Variants in PIP4K2A observed in about 807,000 individuals in gnomAD.
PIP4K2A encodes phosphatidylinositol 5-phosphate 4-kinase type-2 alpha.
A neutral mutation model predicts 42.9 loss-of-function variants in PIP4K2A; 14 were observed. That is an observed-to-expected ratio of 0.33 (90% CI 0.22 to 0.51). The LOEUF is 0.51. Among genes scored for constraint, PIP4K2A ranks in the 20% least tolerant of loss-of-function variants. The pLI is 0.97. For synonymous variants in PIP4K2A, 192 were observed against 192.2 expected, an observed-to-expected ratio of 1.00 and a Z score of 0.01; for missense variants, 434 against 519.8, an observed-to-expected ratio of 0.83 and a Z score of 1.61.
intron 6 of PIP4K2A, among the ~76,000 whole-genome samples, chr10:22,565,838 G>GCCC (rs35803145): frequency 1.1e-4 from 16 of 151,644 alleles, no homozygotes; most frequent in African/African-American, 3.9e-4. Context: ...CTTATAAACA[G>GCCC]CCCCCCCAGG....
intron 1 of PIP4K2A, among the ~76,000 whole-genome samples, chr10:22,676,388 G>C (rs779802667): frequency 6.6e-5 from 10 of 152,164 alleles, no homozygotes; most frequent in Non-Finnish European, 1.5e-4. Flanking sequence ...TCAAGGACCA[G>C]TCTTCATCAG....
At chr10:22,540,386 TTTTC>T (rs1182769918) in intron 8 of PIP4K2A, among the ~76,000 whole-genome samples, 7 of 151,936 alleles carry the variant, frequency 4.6e-5, no homozygotes, top group Non-Finnish European at 8.8e-5. Flanking sequence ...TTAATTTGCA[TTTTC>T]TTTAATAATT....
intron 5 of PIP4K2A, among the ~76,000 whole-genome samples, chr10:22,568,658 CT>C (rs1836906727): frequency 6.6e-6 from 1 of 152,150 alleles, no homozygotes; most frequent in Admixed American, 6.5e-5. Flanking sequence ...CTAGCATGAC[CT>C]GAGTCTACCT....
chr10:22,567,035 G>C (rs1309519761), intron 6 of PIP4K2A, among the ~76,000 whole-genome samples: 1 of 152,182 alleles, frequency 6.6e-6, no homozygotes, highest in African/African-American at 2.4e-5. Context: ...ACTGCTATCA[G>C]TCTAAAAGAA....
intron 4 of PIP4K2A, among the ~76,000 whole-genome samples, chr10:22,574,828 C>T (rs1837073223): frequency 6.6e-6 from 1 of 152,068 alleles, no homozygotes; most frequent in South Asian, 2.1e-4. Flanking sequence ...GCAAAACAGG[C>T]AGTAAATAGC....
intron 1 of PIP4K2A, among the ~76,000 whole-genome samples, chr10:22,673,880 T>G (rs1839504184): frequency 6.6e-6 from 1 of 152,244 alleles, no homozygotes. Flanking sequence ...TTTCTATGGT[T>G]AATTATACGG....
intron 1 of PIP4K2A, among the ~76,000 whole-genome samples, chr10:22,697,922 A>G (rs1397174420): frequency 6.6e-6 from 1 of 152,196 alleles, no homozygotes; most frequent in Non-Finnish European, 1.5e-5. Context: ...GTCTACTTAC[A>G]TGGGAAGAAT....
chr10:22,661,694 C>G (rs1169321876), intron 1 of PIP4K2A: 1 of 152,194 alleles, frequency 6.6e-6, no homozygotes, highest in Non-Finnish European at 1.5e-5. Context: ...TTAAACTAAG[C>G]TCCTTGAGGA....
At chr10:22,549,151 C>G (rs980316435) in intron 7 of PIP4K2A, among the ~76,000 whole-genome samples, 1 of 152,134 alleles carries the variant, frequency 6.6e-6, no homozygotes, top group Non-Finnish European at 1.5e-5. Flanking sequence ...AGTATGTATA[C>G]TATAAAGGTA....
chr10:22,704,457 A>G (rs1369921984), intron 1 of PIP4K2A, among the ~76,000 whole-genome samples: 1 of 152,080 alleles, frequency 6.6e-6, no homozygotes, highest in Non-Finnish European at 1.5e-5. Context: ...CTATAGAAAT[A>G]GGAGACCTCA....
intron 1 of PIP4K2A, chr10:22,646,138 G>C (rs1046749749): frequency 1.3e-5 from 2 of 152,184 alleles, no homozygotes; most frequent in African/African-American, 4.8e-5. Flanking sequence ...ACATCTGAAA[G>C]ACAACTTTCC....
chr10:22,648,295 C>A (rs1000726830), intron 1 of PIP4K2A, among the ~76,000 whole-genome samples: 3 of 152,084 alleles, frequency 2.0e-5, no homozygotes, highest in African/African-American at 7.2e-5. Context: ...CAATTAAGGA[C>A]GGTGTGGGGA....
chr10:22,681,597 C>G (rs1393920404), intron 1 of PIP4K2A, among the ~76,000 whole-genome samples: 1 of 152,028 alleles, frequency 6.6e-6, no homozygotes, highest in Non-Finnish European at 1.5e-5. Context: ...ATGCCTTGAG[C>G]CTGGGGGGTA....
At chr10:22,596,852 G>A (rs1194521075) in intron 3 of PIP4K2A, among the ~76,000 whole-genome samples, 1 of 152,238 alleles carries the variant, frequency 6.6e-6, no homozygotes, top group Non-Finnish European at 1.5e-5. Context: ...GGGCCCTGCA[G>A]GGGCCCTGCC....
chr10:22,599,817 T>G (rs1487033275), intron 3 of PIP4K2A, among the ~76,000 whole-genome samples: 2 of 152,202 alleles, frequency 1.3e-5, no homozygotes, highest in Non-Finnish European at 2.9e-5. Flanking sequence ...TGGTGCTATC[T>G]CGGTCCTCTC....
chr10:22,684,621 C>T (rs1205578920), intron 1 of PIP4K2A, among the ~76,000 whole-genome samples: 2 of 152,200 alleles, frequency 1.3e-5, no homozygotes, highest in African/African-American at 4.8e-5. Context: ...ACCTGACACA[C>T]CTTCCAATGT....
Position 22,536,955 on chromosome 10 carries a change from T to A in PIP4K2A, c.*246A>T. On this transcript the variant is annotated 3_prime_UTR_variant, in exon 10 of 10. Coordinates refer to ENST00000376573, the MANE Select transcript of PIP4K2A (RefSeq NM_005028.5). ...TTAAAATGCACACGCGCGCACACAC[T>A]CACCCCCCCCCAACACACACACACA... The A allele has an allele frequency of 2.6e-6, 1 of 384,480 alleles. No individual in the cohort carries two copies. Among genetic ancestry groups the A allele is most frequent in the South Asian group, 3.2e-5 (1 of 31,284 alleles). The allele number at this position is 384,480 out of a possible 1,614,324, so 23.8% of individuals were successfully genotyped here.
chr10:22,664,104 C>CATAT lies in PIP4K2A; in HGVS notation c.144+50075_144+50078dup, dbSNP rs368261224. Among the ~76,000 whole-genome samples, 6 of 50,366 alleles carry CATAT rather than the reference C, an allele frequency of 1.2e-4. 1 individual carries two copies. The African/African-American group carries it at 1.4e-3, about 12-fold the overall frequency. 33.0% of individuals were successfully genotyped at this position (50,366 alleles called of 152,430 possible). ...ATATATATATACATATATATATATA[C>CATAT]ATATATATATACATATATATATATA... is the stretch of plus-strand genomic sequence containing the variant. On this transcript the variant is annotated intron_variant, in intron 1 of 9. Coordinates refer to ENST00000376573, the MANE Select transcript of PIP4K2A (RefSeq NM_005028.5).
At chr10:22,704,701 T>C (rs1247101448) in intron 1 of PIP4K2A, among the ~76,000 whole-genome samples, 3 of 129,960 alleles carry the variant, frequency 2.3e-5, no homozygotes, top group Admixed American at 7.7e-5. Flanking sequence ...GACACTAAAA[T>C]GAGAGACTAA....
Sources: gnomAD v4.1 joint callset for allele counts (sites outside exome capture counted in the v4.1 genomes callset) on GRCh38, gnomAD v4.1.1 for gene constraint, MANE v1.5 for transcripts, NCBI Gene and HGNC (gene_info 2026-07-23, HGNC 2026-07-21) for gene names.